Variants in PKN3 observed in about 807,000 individuals in gnomAD.
The protein encoded by PKN3 is protein kinase N3.
Under a neutral mutation model 113.1 loss-of-function variants are expected in PKN3, and 91 were observed. The observed-to-expected ratio is 0.80, with a 90% CI of 0.68 to 0.96. The LOEUF (loss-of-function observed/expected upper bound fraction) is 0.96. Ranked by LOEUF, PKN3 falls within the 40% of genes least tolerant of loss-of-function variation. The probability of loss-of-function intolerance (pLI) is 0.00; values close to 1 mark genes in which losing one functional copy is unlikely to be tolerated. For missense variants in PKN3, 1,052 were observed against 1,202.2 expected (o/e 0.88, Z 1.85); for synonymous variants, 467 against 499.0 (o/e 0.94, Z 0.85).
chr9:128,713,292 G>C lies in PKN3; in HGVS notation c.997G>C (p.Val333Leu), dbSNP rs748472968. 2 of 1,613,966 alleles carry C rather than the reference G, an allele frequency of 1.2e-6. No individual in the cohort carries two copies. The highest frequency in any genetic ancestry group is 1.3e-5 in the African/African-American group (1 of 74,950). The change falls in exon 8 of 22, where the codon GTG becomes CTG. Residue 333 changes from valine to leucine, a missense_variant. By Grantham distance (32) the Val-to-Leu change is conservative (BLOSUM62 1). This residue lies in a region of PKN3 where 719 missense variants were observed against 759.4 expected (regional missense o/e 0.95). Transcript: ENST00000291906. Reference sequence around the variant, plus strand: ...TGGCCCTGCAGGCGAGGTGCTGGCTGTGCTAAAGGTGGACAACCGTGTTGT... The same window carrying C: ...TGGCCCTGCAGGCGAGGTGCTGGCTCTGCTAAAGGTGGACAACCGTGTTGT... ...RGELASEVLAVLKVDNRVVGQ... is the reference protein window; with the variant it reads ...RGELASEVLALLKVDNRVVGQ...
At chr9:128,711,409 C>G (rs915742667) in intron 6 of PKN3, among the ~76,000 whole-genome samples, 46 of 151,572 alleles carry the variant, frequency 3.0e-4, no homozygotes, top group African/African-American at 1.1e-3. Context: ...CGGGTTCACG[C>G]CATTCTTCTG....
At chr9:128,718,728 G>C (rs558299985) in intron 18 of PKN3, 103 bp downstream of exon 18, 2 of 1,096,802 alleles carry the variant, frequency 1.8e-6, no homozygotes, top group Non-Finnish European at 2.8e-6. Flanking sequence ...CCTCACCTGC[G>C]GATGCCCTGG....
chr9:128,719,636 T>C (rs746125289), intron 18 of PKN3, 50 bp from the exon 19 acceptor site: 4 of 1,510,900 alleles, frequency 2.6e-6, no homozygotes, highest in Admixed American at 2.2e-5. Context: ...ATTGAAGTTA[T>C]TGTGAATAGG....
rs1186393472 is a variant in PKN3, at chr9:128,718,564, T to A, written c.2064T>A (p.Asp688Glu). Residue 688 changes from aspartate to glutamate, a missense_variant, in exon 18 of 22, where the codon GAT (aspartate) becomes GAA (glutamate). By Grantham distance (45) the Asp-to-Glu change is conservative. Coordinates refer to ENST00000291906, the MANE Select transcript of PKN3 (RefSeq NM_013355.5). The stretch of plus-strand genomic sequence containing the variant: ...TTGCCCTCAGGGACCTGAAGTTGGA[T>A]AACCTTCTGCTGGATGCCCAGGGAT... ...KKIIYRDLKL[D>E]NLLLDAQGFL... The A allele has an allele frequency of 6.2e-7, 1 of 1,613,982 alleles. No homozygotes were observed. Among genetic ancestry groups the A allele is most frequent in the Non-Finnish European group, 8.5e-7 (1 of 1,180,028 alleles).
rs764868009 is a variant in PKN3, at chr9:128,713,326, C to A, written c.1031C>A (p.Thr344Lys). Residue 344 changes from threonine (T) to lysine (K), a missense_variant, in exon 8 of 22, where the codon ACG (threonine) becomes AAG (lysine). Physicochemically the swap from Thr to Lys is moderately conservative, Grantham distance 78. Coordinates refer to ENST00000291906, the MANE Select transcript of PKN3 (RefSeq NM_013355.5). ...LKVDNRVVGQ[T>K]GWGQVAEQSW... ...GTGGACAACCGTGTTGTGGGGCAGA[C>A]GGGCTGGGGGCAGGTGGCCGAACAG... 9.9e-6 allele frequency: 16 copies of A among 1,614,120 alleles called. No individual in the cohort carries two copies. The highest frequency in any genetic ancestry group is 1.4e-5 in the Non-Finnish European group (16 of 1,180,016).
At chr9:128,714,001 G>T in intron 9 of PKN3, 45 bp from the exon 10 acceptor site, 1 of 1,597,708 alleles carries the variant, frequency 6.3e-7, no homozygotes, top group Non-Finnish European at 8.6e-7. Context: ...CATGGCAGAT[G>T]AGATGGGAGG....
chr9:128,705,331 A>G lies in PKN3; in HGVS notation c.53A>G (p.Asp18Gly). 14 of 1,564,358 alleles carry G rather than the reference A, an allele frequency of 8.9e-6. No individual in the cohort carries two copies. Among genetic ancestry groups the G allele is most frequent in the Non-Finnish European group, 1.2e-5 (14 of 1,155,962 alleles). Residue 18 changes from aspartate to glycine, a missense_variant, in exon 2 of 22, where the codon GAT becomes GGT. This residue lies in a region of PKN3 where 719 missense variants were observed against 759.4 expected (regional missense o/e 0.95). Transcript: ENST00000291906. ...GGGCCGAGCCAGTGGCCCCCAGAGG[A>G]TGAGAAGGAGGTGATCCGCCGGGCC... ...QPGPSQWPPE[D>G]EKEVIRRAIQ...
At chr9:128,705,954 C>T (rs2132286101) in intron 3 of PKN3, 75 bp downstream of exon 3, 2 of 1,417,214 alleles carry the variant, frequency 1.4e-6, no homozygotes, top group Admixed American at 2.5e-5. Context: ...AGCCATTGGG[C>T]TCATAAGGAG....
In PKN3 at chr9:128,702,630, G is replaced by T; in HGVS notation, c.-286G>T. The T allele has an allele frequency of 2.5e-6, 1 of 395,766 alleles. No homozygotes were observed. The highest frequency in any genetic ancestry group is 4.5e-6 in the Non-Finnish European group (1 of 223,950). 24.5% of individuals were successfully genotyped at this position (395,766 alleles called of 1,614,324 possible). A position where few individuals can be genotyped will look rare whatever the true frequency, so the allele number is the denominator to read the frequency against. On this transcript the variant is annotated 5_prime_UTR_variant, in exon 1 of 22. Coordinates refer to ENST00000291906, the MANE Select transcript of PKN3 (RefSeq NM_013355.5). ...GGCGCGGTCACGCCCAGCGGGAACC[G>T]CAGGCGCCGAAGCCCGGGTACTGGG...
In PKN3 at chr9:128,715,240, T is replaced by A; in HGVS notation, c.1716+5T>A. On this transcript the variant is annotated splice_donor_5th_base_variant and intron_variant, in intron 14 of 21. Coordinates refer to ENST00000291906, the MANE Select transcript of PKN3 (RefSeq NM_013355.5). The surrounding 1 kb of genome is among the most constrained non-coding windows in gnomAD (Gnocchi z 4.1). The stretch of plus-strand genomic sequence containing the variant: ...GGCCGGGGACACTTTGGGAAGGTAG[T>A]GGGCTGAAGAGGGTGGTATGGGACG... 1 of 1,613,940 alleles carries A rather than the reference T, an allele frequency of 6.2e-7. No homozygotes were observed. The highest frequency in any genetic ancestry group is 8.5e-7 in the Non-Finnish European group (1 of 1,179,914).
Position 128,720,219 on chromosome 9 carries a change from C to T in PKN3, c.2393C>T (p.Pro798Leu), listed in dbSNP as rs1449762224. Reference protein sequence around the residue: ...EFIQKLLQKCPEKRLGAGEQD... With the variant: ...EFIQKLLQKCLEKRLGAGEQD... ...ATTGCCCAGCTCCTCCAGAAGTGCC[C>T]GGAGAAGCGCCTCGGGGCAGGTGAG... The change falls in exon 21 of 22, where the codon CCG becomes CTG. Residue 798 changes from proline to leucine, a missense_variant. This residue lies in a region of PKN3 where 333 missense variants were observed against 442.8 expected (regional missense o/e 0.75). Transcript: ENST00000291906. This position sits in a 1 kb window ranked among gnomAD's most constrained non-coding sequence, Gnocchi z 5.5. The T allele has an allele frequency of 6.2e-6, 10 of 1,613,484 alleles. No individual in the cohort carries two copies. The highest frequency in any genetic ancestry group is 3.3e-5 in the South Asian group (3 of 91,058).
chr9:128,714,081 C>G lies in PKN3; in HGVS notation c.1272C>G (p.Pro424=). 1 of 1,614,114 alleles carries G rather than the reference C, an allele frequency of 6.2e-7. No individual in the cohort carries two copies. Among genetic ancestry groups the G allele is most frequent in the Non-Finnish European group, 8.5e-7 (1 of 1,180,004 alleles). Residue 424 remains proline (P), a synonymous_variant, in exon 10 of 22, where the codon CCC becomes CCG. Transcript: ENST00000291906. ...TFCDPVIERR[P]RLQRQERIFS... Reference sequence around the variant, plus strand: ...GCGATCCTGTCATTGAGAGGCGGCCCCGGCTGCAGAGGCAGGAACGCATCT... The same window carrying G: ...GCGATCCTGTCATTGAGAGGCGGCCGCGGCTGCAGAGGCAGGAACGCATCT...
chr9:128,716,693 GCA>G, intron 15 of PKN3, 52 bp from the exon 16 acceptor site: 1 of 1,498,354 alleles, frequency 6.7e-7, no homozygotes, highest in Admixed American at 1.7e-5. Context: ...AGGGCACAGG[GCA>G]CAGCCCAGGG....
chr9:128,719,539 C>T (rs909033779), intron 18 of PKN3, 147 bp from the exon 19 acceptor site: 2 of 822,978 alleles, frequency 2.4e-6, no homozygotes, highest in African/African-American at 3.4e-5. Context: ...TGCATGCAGT[C>T]AAATGGCGTC....
rs1324364564 is a variant in PKN3, at chr9:128,720,793, C to G, written c.*187C>G. On this transcript the variant is annotated 3_prime_UTR_variant, in exon 22 of 22. Coordinates refer to ENST00000291906, the MANE Select transcript of PKN3 (RefSeq NM_013355.5). The surrounding 1 kb of genome is among the most constrained non-coding windows in gnomAD (Gnocchi z 5.5). ...TGTCACTGGGCAAAGTGTGTCCCTT[C>G]CCCCTCCAGCTCGCCCTCTTCTACC... The G allele has an allele frequency of 1.6e-6, 1 of 613,646 alleles. No homozygotes were observed. The highest frequency in any genetic ancestry group is 2.9e-6 in the Non-Finnish European group (1 of 348,718). The allele number at this position is 613,646 out of a possible 1,614,324, so 38.0% of individuals were successfully genotyped here. A position where few individuals can be genotyped will look rare whatever the true frequency, so the allele number is the denominator to read the frequency against.
rs1038853902 is a variant in PKN3 at position 128,714,679 on chromosome 9, G to A, written c.1584+15G>A. The A allele has an allele frequency of 1.5e-6, 2 of 1,345,360 alleles. No individual in the cohort carries two copies. Among genetic ancestry groups the A allele is most frequent in the Non-Finnish European group, 2.1e-6 (2 of 935,612 alleles). The allele number at this position is 1,345,360 out of a possible 1,614,324, so 83.3% of individuals were successfully genotyped here. A position where few individuals can be genotyped will look rare whatever the true frequency, so the allele number is the denominator to read the frequency against. On this transcript the variant is annotated intron_variant, in intron 12 of 21. Coordinates refer to ENST00000291906, the MANE Select transcript of PKN3 (RefSeq NM_013355.5). Reference sequence around the variant, plus strand: ...AGGAGACTCCGGTGAGGGGCTGGAGGGACTAGTGGCTCCTAGGGCCGGCTG... The same window carrying A: ...AGGAGACTCCGGTGAGGGGCTGGAGAGACTAGTGGCTCCTAGGGCCGGCTG...
intron 17 of PKN3, 47 bp downstream of exon 17, chr9:128,718,434 G>T: frequency 6.6e-7 from 1 of 1,511,138 alleles, no homozygotes; most frequent in South Asian, 1.1e-5. Context: ...GGGGGTGGGG[G>T]TGGAGTGGGT....
At position 128,720,805 on chromosome 9, in the gene PKN3, C is replaced by T. The variant is rs559555506; in HGVS notation, c.*199C>T. The T allele has an allele frequency of 6.4e-5, 39 of 608,128 alleles. 2 individuals carry two copies. The highest frequency in any genetic ancestry group is 6.4e-4 in the South Asian group (32 of 50,348). The allele number at this position is 608,128 out of a possible 1,614,324, so 37.7% of individuals were successfully genotyped here. ...AAGTGTGTCCCTTCCCCCTCCAGCTCGCCCTCTTCTACCTCCCAGCGAGAC... is the reference window on the plus strand; with the variant it reads ...AAGTGTGTCCCTTCCCCCTCCAGCTTGCCCTCTTCTACCTCCCAGCGAGAC... On this transcript the variant is annotated 3_prime_UTR_variant, in exon 22 of 22. Transcript: ENST00000291906. This position sits in a 1 kb window ranked among gnomAD's most constrained non-coding sequence, Gnocchi z 5.5.
chr9:128,704,916 CAAAAAA>C (rs560127150), intron 1 of PKN3, among the ~76,000 whole-genome samples: 2 of 83,812 alleles, frequency 2.4e-5, no homozygotes, highest in African/African-American at 9.0e-5. Flanking sequence ...AAAACTGTCT[CAAAAAA>C]AAAAAAAAGA....
Sources: gnomAD v4.1 joint callset for allele counts (sites outside exome capture counted in the v4.1 genomes callset) on GRCh38, gnomAD v4.1.1 for gene constraint, gnomAD v4.1.1 regional missense constraint, Gnocchi (gnomAD v3.1) non-coding constraint, MANE v1.5 for transcripts, NCBI Gene and HGNC (gene_info 2026-07-23, HGNC 2026-07-21) for gene names.